Variants in AFG1L observed in about 807,000 individuals in gnomAD.
AFG1L encodes the protein AFG1-like ATPase.
In AFG1L, 53 loss-of-function variants were observed where a neutral mutation model predicts 62.2. The observed-to-expected ratio is 0.85, with a 90% CI of 0.68 to 1.07. The LOEUF (loss-of-function observed/expected upper bound fraction) is 1.07, where lower values mean the gene tolerates loss of function less well. AFG1L is among the 50% of genes least tolerant of loss of function. The probability of loss-of-function intolerance (pLI) is 0.00; values close to 1 mark genes in which losing one functional copy is unlikely to be tolerated. For missense variants in AFG1L, 555 were observed against 590.5 expected (o/e 0.94, Z 0.62); for synonymous variants, 228 against 210.3 (o/e 1.08, Z -0.73).
chr6:108,351,646 G>A (rs1295932363), intron 3 of AFG1L, among the ~76,000 whole-genome samples: 1 of 152,194 alleles, frequency 6.6e-6, no homozygotes, highest in Non-Finnish European at 1.5e-5. Flanking sequence ...GTGTCAAATT[G>A]TAGGGGAGAA....
intron 11 of AFG1L, among the ~76,000 whole-genome samples, chr6:108,511,539 G>C (rs1470395639): frequency 6.6e-6 from 1 of 152,226 alleles, no homozygotes; most frequent in Non-Finnish European, 1.5e-5. Flanking sequence ...AAAGCACAAA[G>C]AATGTTGTCT....
chr6:108,370,342 T>A (rs998881109), intron 6 of AFG1L, among the ~76,000 whole-genome samples: 2 of 152,078 alleles, frequency 1.3e-5, no homozygotes, highest in Non-Finnish European at 2.9e-5. Flanking sequence ...ATTAGGAAGC[T>A]GTTGTAGCAC....
chr6:108,433,343 G>A (rs982830057), intron 7 of AFG1L, among the ~76,000 whole-genome samples: 20 of 151,742 alleles, frequency 1.3e-4, no homozygotes, highest in Non-Finnish European at 1.9e-4. Flanking sequence ...GCAGTGGCGC[G>A]ACTTCAGCTC....
intron 7 of AFG1L, among the ~76,000 whole-genome samples, chr6:108,404,028 G>A (rs963411571): frequency 2.6e-5 from 4 of 152,092 alleles, no homozygotes; most frequent in South Asian, 4.1e-4. Context: ...GAGACTTTTC[G>A]TATATGACAA....
intron 10 of AFG1L, among the ~76,000 whole-genome samples, chr6:108,482,282 A>G (rs1773352477): frequency 6.6e-6 from 1 of 152,218 alleles, no homozygotes; most frequent in South Asian, 2.1e-4. Flanking sequence ...ACAGAATTCA[A>G]AAAGTATACT....
intron 1 of AFG1L, among the ~76,000 whole-genome samples, chr6:108,306,975 A>G (rs1777221555): frequency 6.6e-6 from 1 of 150,808 alleles, no homozygotes; most frequent in Non-Finnish European, 1.5e-5. Context: ...TTGATTTATT[A>G]TTTTTTCTGT....
intron 5 of AFG1L, chr6:108,359,566 C>T (rs756503563): frequency 1.1e-4 from 17 of 152,368 alleles, no homozygotes; most frequent in Non-Finnish European, 2.4e-4. Context: ...TATTCCGTAT[C>T]ACAGGACAGG....
At chr6:108,507,887 C>G (rs185954294) in intron 10 of AFG1L, among the ~76,000 whole-genome samples, 306 of 152,136 alleles carry the variant, frequency 2.0e-3, no homozygotes, top group African/African-American at 7.1e-3. Flanking sequence ...GCTGTGACTC[C>G]CAAGACAGAC....
chr6:108,413,117 C>T (rs921468434), intron 7 of AFG1L, among the ~76,000 whole-genome samples: 7 of 152,084 alleles, frequency 4.6e-5, no homozygotes, highest in Admixed American at 3.9e-4. Context: ...GGTTGCAATC[C>T]TAGTCTCTCA....
intron 7 of AFG1L, among the ~76,000 whole-genome samples, chr6:108,441,712 A>ATATATATATATATAT (rs1554198359): frequency 1.4e-4 from 19 of 139,492 alleles, no homozygotes; most frequent in South Asian, 2.3e-4. Flanking sequence ...AAAAAAAAAA[A>ATATATATATATATAT]ATATATATAT....
chr6:108,414,346 A>G (rs1044615579), intron 7 of AFG1L, among the ~76,000 whole-genome samples: 1 of 152,218 alleles, frequency 6.6e-6, no homozygotes, highest in Non-Finnish European at 1.5e-5. Flanking sequence ...CAGAGGTACA[A>G]AGAGGATCTG....
intron 2 of AFG1L, among the ~76,000 whole-genome samples, chr6:108,341,450 T>A (rs1222149073): frequency 1.3e-5 from 2 of 152,168 alleles, no homozygotes; most frequent in African/African-American, 4.8e-5. Flanking sequence ...GGTAAGCACA[T>A]TATGTTTGCA....
At chr6:108,454,854 T>C (rs1350358449) in intron 8 of AFG1L, among the ~76,000 whole-genome samples, 1 of 152,118 alleles carries the variant, frequency 6.6e-6, no homozygotes, top group African/African-American at 2.4e-5. Flanking sequence ...GGTTTCACCA[T>C]GTTGGCCAGG....
chr6:108,427,679 AC>A (rs1035172699), intron 7 of AFG1L, among the ~76,000 whole-genome samples: 4 of 151,506 alleles, frequency 2.6e-5, no homozygotes, highest in African/African-American at 9.7e-5. Context: ...ACGCCACCAT[AC>A]CCGGTTAATT....
intron 8 of AFG1L, among the ~76,000 whole-genome samples, chr6:108,461,823 G>A (rs920825977): frequency 1.3e-5 from 2 of 152,084 alleles, no homozygotes; most frequent in Admixed American, 1.3e-4. Context: ...GGCAGTGCAC[G>A]GTGGCTCACA....
At chr6:108,405,595 C>T (rs1417970161) in intron 7 of AFG1L, among the ~76,000 whole-genome samples, 1 of 152,200 alleles carries the variant, frequency 6.6e-6, no homozygotes, top group East Asian at 1.9e-4. Context: ...GATTTGCCTG[C>T]CTCCACCTCC....
chr6:108,442,170 A>G (rs930840329), intron 7 of AFG1L, among the ~76,000 whole-genome samples: 2 of 151,594 alleles, frequency 1.3e-5, no homozygotes, highest in Admixed American at 6.6e-5. Flanking sequence ...TTCCCTGCAT[A>G]AGGACATTTT....
chr6:108,477,734 T>C (rs1253045991), intron 10 of AFG1L, among the ~76,000 whole-genome samples: 1 of 152,192 alleles, frequency 6.6e-6, no homozygotes, highest in Non-Finnish European at 1.5e-5. Flanking sequence ...TTGGACCTAC[T>C]AGGGCCAGGG....
At chr6:108,512,334 A>G (rs1215665030) in intron 11 of AFG1L, among the ~76,000 whole-genome samples, 1 of 152,172 alleles carries the variant, frequency 6.6e-6, no homozygotes, top group Non-Finnish European at 1.5e-5. Flanking sequence ...CACCTAAGGG[A>G]GTGCTATCAA....
Sources: allele counts gnomAD v4.1 joint callset (sites outside exome capture counted in the v4.1 genomes callset), GRCh38; gene constraint gnomAD v4.1.1; transcripts MANE v1.5; gene names NCBI Gene and HGNC (gene_info 2026-07-23, HGNC 2026-07-21).